The following ZNF266 variants were observed in gnomAD, a reference collection of about 807,000 sequenced individuals.
The protein encoded by ZNF266 is zinc finger protein 266, also known as zinc finger protein 1.
A neutral mutation model predicts 16.4 loss-of-function variants in ZNF266; 16 were observed. The observed-to-expected ratio is 0.98, with a 90% CI of 0.66 to 1.48. The LOEUF (loss-of-function observed/expected upper bound fraction) is 1.48, where lower values mean the gene tolerates loss of function less well. Among genes scored for constraint, ZNF266 ranks in the 40% most tolerant of loss-of-function variants. ZNF266 has a pLI of 0.00. For missense variants in ZNF266, 738 were observed against 689.1 expected (o/e 1.07, Z -0.79); for synonymous variants, 262 against 237.9 (o/e 1.10, Z -0.93).
chr19:9,433,365 G>A (rs931597499), intron 5 of ZNF266, among the ~76,000 whole-genome samples: 5 of 152,032 alleles, frequency 3.3e-5, no homozygotes, highest in African/African-American at 1.2e-4. Context: ...TGTCTATAAG[G>A]AGTCACGCAG....
chr19:9,435,550 G>A lies in ZNF266; in HGVS notation c.-824C>T, dbSNP rs1235563876. The A allele has an allele frequency of 6.6e-6, 1 of 152,202 alleles. No homozygotes were observed. Among genetic ancestry groups the A allele is most frequent in the East Asian group, 1.9e-4 (1 of 5,178 alleles). 9.4% of individuals were successfully genotyped at this position (152,202 alleles called of 1,614,324 possible). ...AGGAAGAAAACGGGTTTGGCGGCGC[G>A]GAGAAAGCGCCGGAAAACACAGCAG... is the stretch of plus-strand genomic sequence containing the variant. On this transcript the variant is annotated 5_prime_UTR_variant, in exon 1 of 11. Transcript: ENST00000592904.
chr19:9,414,486 G>C lies in ZNF266; in HGVS notation c.640C>G (p.Gln214Glu). The C allele has an allele frequency of 6.2e-7, 1 of 1,614,190 alleles. No homozygotes were observed. Among genetic ancestry groups the C allele is most frequent in the Non-Finnish European group, 8.5e-7 (1 of 1,180,032 alleles). The change falls in exon 11 of 11, where the codon CAG (glutamine) becomes GAG (glutamate). Residue 214 changes from glutamine (Q) to glutamate (E), a missense_variant. Gln to Glu is a conservative substitution (Grantham distance 29). Transcript: ENST00000592904. ...AFSLNPDVVC[Q>E]RTCTGEKAFD... ...GCTTTCTCTCCTGTGCACGTTCTCT[G>C]GCAAACAACATCTGGGTTCAGGCTG...
intron 5 of ZNF266, among the ~76,000 whole-genome samples, chr19:9,430,074 T>C (rs189805374): frequency 8.3e-6 from 1 of 120,892 alleles, no homozygotes; most frequent in East Asian, 2.8e-4. Context: ...CAGCCAGCCT[T>C]ATCTGTACTT....
chr19:9,432,305 G>A (rs550237287), intron 5 of ZNF266, among the ~76,000 whole-genome samples: 30 of 152,112 alleles, frequency 2.0e-4, no homozygotes, highest in Admixed American at 1.0e-3. Context: ...GTTGCTGTAG[G>A]GCATGTATGT....
Position 9,413,887 on chromosome 19 carries a change from G to A in ZNF266, c.1239C>T (p.His413=), listed in dbSNP as rs1255072224. Residue 413 remains histidine (H), a synonymous_variant, in exon 11 of 11, where the codon CAC becomes CAT. Coordinates refer to ENST00000592904, the MANE Select transcript of ZNF266 (RefSeq NM_001370374.1). The part of the protein sequence containing the change: ...SSCLSDHFRI[H]TGIKPYKCKD... ...TACATTTATAGGGTTTTATTCCAGT[G>A]TGAATTCGAAAGTGATCACTGAGGC... 2 of 1,614,112 alleles carry A rather than the reference G, an allele frequency of 1.2e-6. No individual in the cohort carries two copies. Among genetic ancestry groups the A allele is most frequent in the Non-Finnish European group, 1.7e-6 (2 of 1,180,054 alleles).
intron 2 of ZNF266, 91 bp from the exon 3 acceptor site, chr19:9,434,950 A>C (rs763251647): frequency 6.6e-6 from 1 of 152,220 alleles, no homozygotes; most frequent in Non-Finnish European, 1.5e-5. Context: ...ATTCACATAG[A>C]GAAATAACCA....
At position 9,418,509 on chromosome 19, in the gene ZNF266, T is replaced by A; in HGVS notation, c.231A>T (p.Thr77=). The part of the protein sequence containing the change: ...VMLENYKNLA[T]VGYQLFKPSL... ...AAGGGATGAGGCCAGTCTTACCTAC[T>A]GTGGCCAAATTCTTGTAGTTCTCCA... Residue 77 remains threonine (T), a synonymous_variant, in exon 8 of 11, where the codon ACA becomes ACT. Coordinates refer to ENST00000592904, the MANE Select transcript of ZNF266 (RefSeq NM_001370374.1). The A allele has an allele frequency of 6.2e-7, 1 of 1,614,232 alleles. No homozygotes were observed. Among genetic ancestry groups the A allele is most frequent in the Non-Finnish European group, 8.5e-7 (1 of 1,180,028 alleles).
intron 5 of ZNF266, among the ~76,000 whole-genome samples, chr19:9,428,679 T>C (rs961980874): frequency 6.7e-6 from 1 of 150,058 alleles, no homozygotes; most frequent in African/African-American, 2.5e-5. Flanking sequence ...CAATAAACTA[T>C]TGGGTCATTA....
intron 8 of ZNF266, 38 bp downstream of exon 8, chr19:9,418,467 G>A: frequency 1.9e-6 from 3 of 1,609,700 alleles, no homozygotes; most frequent in Non-Finnish European, 2.6e-6. Flanking sequence ...AACATAATCT[G>A]TTCCATAGTA....
At chr19:9,416,221 G>A (rs577835189) in intron 9 of ZNF266, among the ~76,000 whole-genome samples, 15 of 152,082 alleles carry the variant, frequency 9.9e-5, no homozygotes, top group East Asian at 7.7e-4. Context: ...AGGATATAGC[G>A]TCAAAATTTT....
rs2072310100 is a variant in ZNF266, at chr19:9,435,350, T to C, written c.-624A>G. On this transcript the variant is annotated 5_prime_UTR_variant, in exon 1 of 11. Coordinates refer to ENST00000592904, the MANE Select transcript of ZNF266 (RefSeq NM_001370374.1). ...GACAACTCGAGTGGCTTTTTGAACCTGGCGGCGCCAGGAGGACCCGCGCGG... is the reference window on the plus strand; with the variant it reads ...GACAACTCGAGTGGCTTTTTGAACCCGGCGGCGCCAGGAGGACCCGCGCGG... 6.6e-6 allele frequency: 1 copy of C among 152,174 alleles called. No homozygotes were observed. Among genetic ancestry groups the C allele is most frequent in the Admixed American group, 6.5e-5 (1 of 15,270 alleles). The allele number at this position is 152,174 out of a possible 1,614,324, so 9.4% of individuals were successfully genotyped here.
At position 9,433,738 on chromosome 19, in the gene ZNF266, A is replaced by C. The variant is rs970441335; in HGVS notation, c.-200T>G. On this transcript the variant is annotated 5_prime_UTR_variant, in exon 5 of 11. Transcript: ENST00000592904. Reference sequence around the variant, plus strand: ...GAGGCCGAGGTGGGTGGATCACTTGAGGTCAGGAGTCTGAGACCAGACTGG... The same window carrying C: ...GAGGCCGAGGTGGGTGGATCACTTGCGGTCAGGAGTCTGAGACCAGACTGG... The C allele has an allele frequency of 6.6e-6, 1 of 151,790 alleles. No homozygotes were observed. The highest frequency in any genetic ancestry group is 2.1e-4 in the South Asian group (1 of 4,818). The allele number at this position is 151,790 out of a possible 1,614,324, so 9.4% of individuals were successfully genotyped here.
intron 5 of ZNF266, among the ~76,000 whole-genome samples, chr19:9,422,333 A>G (rs1424353626): frequency 6.6e-6 from 1 of 152,158 alleles, no homozygotes; most frequent in Non-Finnish European, 1.5e-5. Context: ...GCACCCAGTG[A>G]TGGCTGGACA....
intron 5 of ZNF266, among the ~76,000 whole-genome samples, chr19:9,432,583 AATT>A (rs1186490025): frequency 6.6e-6 from 1 of 152,220 alleles, no homozygotes; most frequent in African/African-American, 2.4e-5. Context: ...TTCACATGCT[AATT>A]AATATAAGCG....
intron 5 of ZNF266, among the ~76,000 whole-genome samples, chr19:9,424,748 T>C (rs1181262622): frequency 1.3e-5 from 2 of 152,216 alleles, no homozygotes; most frequent in African/African-American, 2.4e-5. Context: ...AGAAACAGAA[T>C]AGTTAGAATG....
intron 5 of ZNF266, among the ~76,000 whole-genome samples, chr19:9,426,621 ATTAC>A (rs1161019527): frequency 6.6e-6 from 1 of 152,178 alleles, no homozygotes; most frequent in Non-Finnish European, 1.5e-5. Context: ...CTGGCCCTAG[ATTAC>A]TTAATGATTT....
chr19:9,421,914 C>T (rs981336243), intron 5 of ZNF266, among the ~76,000 whole-genome samples: 5 of 151,998 alleles, frequency 3.3e-5, no homozygotes, highest in East Asian at 3.9e-4. Context: ...TGCAGTGGCG[C>T]GATCTCGGCT....
chr19:9,414,090 CAGTG>C lies in ZNF266; in HGVS notation c.1032_1035del (p.Phe344LeufsTer6). The C allele has an allele frequency of 6.2e-7, 1 of 1,613,320 alleles. No homozygotes were observed. Among genetic ancestry groups the C allele is most frequent in the Non-Finnish European group, 8.5e-7 (1 of 1,179,796 alleles). On this transcript the variant is annotated frameshift_variant, in exon 11 of 11. Coordinates refer to ENST00000592904, the MANE Select transcript of ZNF266 (RefSeq NM_001370374.1). LOFTEE classifies it low-confidence loss of function (END_TRUNC). ...ATATGTTGACTTAAGCAAGAGGAAA[CAGTG>C]AAGGCTCTCCCACAATCCTTACATT... is the stretch of plus-strand genomic sequence containing the variant.
chr19:9,435,003 T>C (rs1411331967), intron 2 of ZNF266, 105 bp downstream of exon 2: 1 of 152,120 alleles, frequency 6.6e-6, no homozygotes, highest in Non-Finnish European at 1.5e-5. Context: ...TCTACCTGAA[T>C]GTAGAGTGTC....
Sources: gnomAD v4.1 joint callset for allele counts (sites outside exome capture counted in the v4.1 genomes callset) on GRCh38, gnomAD v4.1.1 for gene constraint, MANE v1.5 for transcripts, NCBI Gene and HGNC (gene_info 2026-07-23, HGNC 2026-07-21) for gene names.